Variants in YJU2 observed in about 807,000 individuals in gnomAD.
YJU2 encodes splicing factor YJU2.
YJU2 carries 28 observed loss-of-function variants against 39.6 expected under a neutral mutation model. That is an observed-to-expected ratio of 0.71 (90% CI 0.52 to 0.97). The LOEUF is 0.97. YJU2 is among the 50% of genes least tolerant of loss of function. The pLI is 0.00. For missense variants in YJU2, 328 were observed against 430.4 expected (o/e 0.76, Z 2.11); for synonymous variants, 184 against 182.4 (o/e 1.01, Z -0.07).
intron 4 of YJU2, 149 bp from the exon 5 acceptor site, chr19:4,258,093 G>T (rs955366956): frequency 4.3e-5 from 50 of 1,164,506 alleles, no homozygotes; most frequent in Non-Finnish European, 5.6e-5. Flanking sequence ...TGGACACAGC[G>T]CTGGGCATGG....
intron 6 of YJU2, among the ~76,000 whole-genome samples, chr19:4,266,719 C>G (rs187316635): frequency 6.6e-6 from 1 of 152,156 alleles, no homozygotes; most frequent in Non-Finnish European, 1.5e-5. Flanking sequence ...CAGTGGCTCA[C>G]GCCTGTCATC....
Position 4,259,971 on chromosome 19 carries a change from G to A in YJU2, c.587+1548G>A, listed in dbSNP as rs548831252. Among the ~76,000 whole-genome samples, 14 of 152,252 alleles carry A rather than the reference G, an allele frequency of 9.2e-5. No individual in the cohort carries two copies. The South Asian group carries it at 1.5e-3, about 16-fold the overall frequency. ...CCTCACTACCCACACAGCCCTGGGG[G>A]TCAGTGTGATCTTCATCATGGAGGG... On this transcript the variant is annotated intron_variant, in intron 5 of 7. Transcript: ENST00000262962.
chr19:4,247,639 GTGTGTGTGTGTGTGTGT>G lies in YJU2; in HGVS notation c.24+470_24+486del, dbSNP rs1568359637. ...TGTGTGTGTGTGTGTGTGTGTGTGT[GTGTGTGTGTGTGTGTGT>G]GTGTGTGTGTGTGTGTGTGTGTGTG... On this transcript the variant is annotated intron_variant, in intron 1 of 7. Transcript: ENST00000262962. Among the ~76,000 whole-genome samples, 79 of 66,694 alleles carry G rather than the reference GTGTGTGTGTGTGTGTGT, an allele frequency of 1.2e-3. 12 individuals are homozygous for G. Among genetic ancestry groups the G allele is most frequent in the Middle Eastern group, 8.5e-3 (1 of 118 alleles). 43.8% of individuals were successfully genotyped at this position (66,694 alleles called of 152,430 possible). A position where few individuals can be genotyped will look rare whatever the true frequency, so the allele number is the denominator to read the frequency against.
At chr19:4,264,012 C>A (rs1000525957) in intron 6 of YJU2, among the ~76,000 whole-genome samples, 2 of 151,878 alleles carry the variant, frequency 1.3e-5, no homozygotes, top group East Asian at 2.0e-4. Context: ...CCTGTAATCC[C>A]AGCACTTTGG....
At position 4,267,785 on chromosome 19, in the gene YJU2, A is replaced by G. The variant is rs1971128711; in HGVS notation, c.859+11A>G. 5.6e-6 allele frequency: 9 copies of G among 1,607,356 alleles called. No homozygotes were observed. The highest frequency in any genetic ancestry group is 1.3e-5 in the African/African-American group (1 of 74,748). ...CGGCCCCCACCCCAGGTAAGGTCAC[A>G]GAGTTCCCAGAGCCGGGCGCGGTTT... On this transcript the variant is annotated intron_variant, in intron 7 of 7. Transcript: ENST00000262962.
chr19:4,261,926 C>A, intron 5 of YJU2, 68 bp from the exon 6 acceptor site: 1 of 1,559,854 alleles, frequency 6.4e-7, no homozygotes, highest in African/African-American at 1.4e-5. Context: ...CTCGCCACCC[C>A]AGCAGGTACA....
At chr19:4,255,056 CAA>C (rs33989575) in intron 4 of YJU2, among the ~76,000 whole-genome samples, 81 of 95,816 alleles carry the variant, frequency 8.5e-4, no homozygotes, top group Admixed American at 1.9e-3. Context: ...ATTCTGTCTC[CAA>C]AAAAAAAAAA....
intron 1 of YJU2, among the ~76,000 whole-genome samples, chr19:4,247,642 T>C (rs1239384249): frequency 0.06 from 3,289 of 54,624 alleles, 649 homozygotes; most frequent in African/African-American, 0.094. Flanking sequence ...TGTGTGTGTG[T>C]GTGTGTGTGT....
chr19:4,248,332 C>T (rs533693880), intron 1 of YJU2: 1 of 152,320 alleles, frequency 6.6e-6, no homozygotes, highest in African/African-American at 2.4e-5. Flanking sequence ...TACTGGGTGC[C>T]AGACACTGCA....
At chr19:4,247,216 C>G (rs1970925638) in intron 1 of YJU2, 46 bp downstream of exon 1, 2 of 1,561,306 alleles carry the variant, frequency 1.3e-6, no homozygotes, top group Non-Finnish European at 1.8e-6. Flanking sequence ...CAGGACATCC[C>G]GGAACTCCGG....
At position 4,267,871 on chromosome 19, in the gene YJU2, G is replaced by T. The variant is rs1971129592; in HGVS notation, c.859+97G>T. ...CAGTTACAGAGACTTCATGGGGTGG[G>T]TGGGGGCGGCCTGCGACCCCCACAG... is the stretch of plus-strand genomic sequence containing the variant. On this transcript the variant is annotated intron_variant, in intron 7 of 7. Transcript: ENST00000262962. 29 of 1,209,300 alleles carry T rather than the reference G, an allele frequency of 2.4e-5. 1 individual carries two copies. In the South Asian group the frequency reaches 4.3e-4, roughly 18 times the overall value. 74.9% of individuals were successfully genotyped at this position (1,209,300 alleles called of 1,614,324 possible).
intron 7 of YJU2, 38 bp downstream of exon 7, chr19:4,267,812 T>C (rs1322850077): frequency 6.4e-7 from 1 of 1,574,482 alleles, no homozygotes; most frequent in Admixed American, 1.8e-5. Context: ...GCGCGGTTTC[T>C]ATAGTGGCCT....
intron 7 of YJU2, among the ~76,000 whole-genome samples, chr19:4,267,982 T>C (rs1971130807): frequency 6.6e-6 from 1 of 151,638 alleles, no homozygotes; most frequent in African/African-American, 2.4e-5. Flanking sequence ...AGACAGAGTC[T>C]TGCTCTGTTG....
At chr19:4,259,789 G>A (rs979087487) in intron 5 of YJU2, among the ~76,000 whole-genome samples, 7 of 152,104 alleles carry the variant, frequency 4.6e-5, no homozygotes, top group Admixed American at 2.0e-4. Context: ...GGACAGGGAC[G>A]TGGTGGCCTC....
chr19:4,247,375 C>T (rs1016360317), intron 1 of YJU2: 1 of 551,672 alleles, frequency 1.8e-6, no homozygotes, highest in African/African-American at 2.0e-5. Context: ...CCCTTCTGGG[C>T]TGGGGTGTAG....
In YJU2 at chr19:4,269,002, G is replaced by C. The variant is rs564375546; in HGVS notation, c.*306G>C. 8.8e-5 allele frequency: 32 copies of C among 363,784 alleles called. No homozygotes were observed. The highest frequency in any genetic ancestry group is 6.2e-4 in the African/African-American group (30 of 48,136). The allele number at this position is 363,784 out of a possible 1,614,324, so 22.5% of individuals were successfully genotyped here. On this transcript the variant is annotated 3_prime_UTR_variant, in exon 8 of 8. Transcript: ENST00000262962. ...CACTACTTCAGGGTGGCAGTGTTTGGGGCACTGGGCGAGCCTGCCGGCCTC... is the reference window on the plus strand; with the variant it reads ...CACTACTTCAGGGTGGCAGTGTTTGCGGCACTGGGCGAGCCTGCCGGCCTC...
chr19:4,248,469 C>G (rs915169033), intron 1 of YJU2, among the ~76,000 whole-genome samples: 4 of 152,146 alleles, frequency 2.6e-5, no homozygotes, highest in Non-Finnish European at 5.9e-5. Context: ...GATTCAGATC[C>G]AGGGAGATGA....
intron 5 of YJU2, among the ~76,000 whole-genome samples, chr19:4,259,081 T>TC (rs1971049058): frequency 8.3e-6 from 1 of 120,776 alleles, no homozygotes; most frequent in Non-Finnish European, 1.7e-5. Context: ...CTTTTTTTTT[T>TC]TTTTTTTTTT....
At chr19:4,256,204 A>T (rs1415166526) in intron 4 of YJU2, among the ~76,000 whole-genome samples, 1 of 148,186 alleles carries the variant, frequency 6.7e-6, no homozygotes, top group Non-Finnish European at 1.5e-5. Context: ...ATATATATAT[A>T]TATGTACACA....
Sources: allele counts gnomAD v4.1 joint callset (sites outside exome capture counted in the v4.1 genomes callset), GRCh38; gene constraint gnomAD v4.1.1; transcripts MANE v1.5; gene names NCBI Gene and HGNC (gene_info 2026-07-23, HGNC 2026-07-21).